The following DNAJC13 variants were observed in gnomAD, a reference collection of about 807,000 sequenced individuals.
DNAJC13 encodes DnaJ heat shock protein family (Hsp40) member C13.
A neutral mutation model predicts 290.5 loss-of-function variants in DNAJC13; 75 were observed. The observed-to-expected ratio is 0.26, with a 90% CI of 0.21 to 0.31. The LOEUF is 0.31. Among genes scored for constraint, DNAJC13 ranks in the 10% least tolerant of loss-of-function variants. DNAJC13 has a pLI of 1.00. For missense variants in DNAJC13, 2,260 were observed against 2,674.5 expected, an observed-to-expected ratio of 0.85 and a Z score of 3.42; for synonymous variants, 862 against 892.0, an observed-to-expected ratio of 0.97 and a Z score of 0.60.
At chr3:132,531,160 G>T in intron 55 of DNAJC13, 63 bp downstream of exon 55, 2 of 1,400,116 alleles carry the variant, frequency 1.4e-6, no homozygotes, top group South Asian at 1.2e-5. Context: ...CCTTCCTTTT[G>T]CCCTAAATAG....
In DNAJC13 at chr3:132,499,759, G is replaced by C; in HGVS notation, c.4367G>C (p.Cys1456Ser). The stretch of plus-strand genomic sequence containing the variant: ...GTGTTACAAGAGGCATTTAGTCGCT[G>C]TGTGGCTGTCTTGACTCGTGCTAGT... ...LEVLQEAFSR[C>S]VAVLTRASKP... The change falls in exon 38 of 56, where the codon TGT becomes TCT. Residue 1456 changes from cysteine (C) to serine (S), a missense_variant. Physicochemically the swap from Cys to Ser is moderately radical, Grantham distance 112. Coordinates refer to ENST00000260818, the MANE Select transcript of DNAJC13 (RefSeq NM_015268.4). 1 of 1,614,178 alleles carries C rather than the reference G, an allele frequency of 6.2e-7. No individual in the cohort carries two copies. The highest frequency in any genetic ancestry group is 1.3e-5 in the African/African-American group (1 of 75,040).
intron 46 of DNAJC13, among the ~76,000 whole-genome samples, chr3:132,516,187 C>T (rs1935915199): frequency 1.3e-5 from 2 of 152,144 alleles, no homozygotes; most frequent in African/African-American, 4.8e-5. Flanking sequence ...GGCAGACCTG[C>T]ATACAAAACT....
intron 39 of DNAJC13, among the ~76,000 whole-genome samples, chr3:132,501,802 G>A (rs891541972): frequency 1.3e-5 from 2 of 152,156 alleles, no homozygotes; most frequent in Non-Finnish European, 2.9e-5. Flanking sequence ...GGATCGAGAT[G>A]CTGATCTAGT....
chr3:132,507,456 C>CAGTAAAGAAAGTGCAA, intron 43 of DNAJC13, 103 bp downstream of exon 43: 1 of 710,804 alleles, frequency 1.4e-6, no homozygotes, highest in Non-Finnish European at 2.4e-6. Context: ...TTTTATTGCA[C>CAGTAAAGAAAGTGCAA]TTTCTTTACT....
At chr3:132,443,339 G>C (rs558379571) in intron 2 of DNAJC13, among the ~76,000 whole-genome samples, 1 of 152,136 alleles carries the variant, frequency 6.6e-6, no homozygotes, top group South Asian at 2.1e-4. Flanking sequence ...TTTTAGTAGA[G>C]ATGGGTTTTT....
At chr3:132,483,118 G>A (rs368556079) in intron 27 of DNAJC13, among the ~76,000 whole-genome samples, 3 of 151,986 alleles carry the variant, frequency 2.0e-5, no homozygotes, top group Admixed American at 2.0e-4. Context: ...TGATTATTTA[G>A]CACCCCACCT....
chr3:132,448,066 G>A, intron 5 of DNAJC13, 127 bp downstream of exon 5: 1 of 614,140 alleles, frequency 1.6e-6, no homozygotes, highest in South Asian at 2.2e-5. Context: ...AAATTGTAAT[G>A]TCTCCTGATA....
chr3:132,512,977 G>A, intron 44 of DNAJC13, 31 bp from the exon 45 acceptor site: 1 of 1,563,332 alleles, frequency 6.4e-7, no homozygotes, highest in Non-Finnish European at 8.8e-7. Flanking sequence ...AACATCTCCT[G>A]GAAGTAAACC....
intron 20 of DNAJC13, among the ~76,000 whole-genome samples, chr3:132,469,730 G>C (rs918708841): frequency 6.6e-6 from 1 of 151,902 alleles, no homozygotes; most frequent in Non-Finnish European, 1.5e-5. Flanking sequence ...AAATTTGTAG[G>C]AAACATTTTC....
intron 36 of DNAJC13, among the ~76,000 whole-genome samples, chr3:132,497,738 TA>T (rs1393281867): frequency 1.3e-5 from 2 of 152,232 alleles, no homozygotes; most frequent in Non-Finnish European, 2.9e-5. Flanking sequence ...GTTTCTCTGT[TA>T]TCAAGGTCAT....
At chr3:132,477,352 A>G (rs1934507108) in intron 22 of DNAJC13, among the ~76,000 whole-genome samples, 1 of 152,206 alleles carries the variant, frequency 6.6e-6, no homozygotes, top group African/African-American at 2.4e-5. Context: ...GTGATTTGAC[A>G]TAGAAGGAAT....
intron 1 of DNAJC13, among the ~76,000 whole-genome samples, chr3:132,424,773 TAA>T (rs1424876417): frequency 6.6e-6 from 1 of 152,128 alleles, no homozygotes; most frequent in Admixed American, 6.5e-5. Flanking sequence ...TAAGGAAGGC[TAA>T]GATGGTAGGT....
intron 36 of DNAJC13, among the ~76,000 whole-genome samples, chr3:132,497,382 A>G (rs779941479): frequency 1.3e-5 from 2 of 152,168 alleles, no homozygotes; most frequent in African/African-American, 2.4e-5. Context: ...GACTTACAGC[A>G]CAAAGTGGGA....
intron 1 of DNAJC13, among the ~76,000 whole-genome samples, chr3:132,426,679 C>T (rs1267391462): frequency 6.6e-6 from 1 of 152,028 alleles, no homozygotes; most frequent in Non-Finnish European, 1.5e-5. Context: ...TAGTGGAAAT[C>T]AATGGTTGCT....
Position 132,456,815 on chromosome 3 carries a change from T to A in DNAJC13, c.1332T>A (p.Ala444=). ...RLVASKAGFL[A]FTQLPKFRER... is the part of the protein sequence containing the mutation. ...TGGCATCCAAAGCTGGTTTCCTGGC[T>A]TTCACTCAGCTTCCAAAGTAAGTTG... The change falls in exon 12 of 56, where the codon GCT becomes GCA. Residue 444 remains alanine (A), a synonymous_variant. Transcript: ENST00000260818. 1.9e-6 allele frequency: 3 copies of A among 1,612,400 alleles called. No individual in the cohort carries two copies. Among genetic ancestry groups the A allele is most frequent in the Non-Finnish European group, 2.5e-6 (3 of 1,179,392 alleles).
chr3:132,489,041 T>C lies in DNAJC13; in HGVS notation c.3468+20T>C, dbSNP rs1254896307. 1 of 1,603,512 alleles carries C rather than the reference T, an allele frequency of 6.2e-7. No homozygotes were observed. Among genetic ancestry groups the C allele is most frequent in the African/African-American group, 1.3e-5 (1 of 74,776 alleles). ...GAAGAGGTAAGCCAGGTTAATCCTC[T>C]GAATACTTAACCCTGGGTAAGCTGT... is the stretch of plus-strand genomic sequence containing the variant. On this transcript the variant is annotated intron_variant, in intron 31 of 55. Transcript: ENST00000260818.
intron 32 of DNAJC13, among the ~76,000 whole-genome samples, chr3:132,491,696 CT>C (rs1935062306): frequency 6.6e-6 from 1 of 152,086 alleles, no homozygotes; most frequent in African/African-American, 2.4e-5. Context: ...AAGGCTATCT[CT>C]TTTTGGAGAA....
rs748294032 is a variant in DNAJC13, at chr3:132,516,714, C to G, written c.5571C>G (p.Ile1857Met). The change falls in exon 48 of 56, where the codon ATC becomes ATG. Residue 1857 changes from isoleucine (I) to methionine (M), a missense_variant. Ile to Met is a conservative substitution (Grantham distance 10). This residue lies in a region of DNAJC13 where 1,494 missense variants were observed against 1,693.7 expected (regional missense o/e 0.88). Transcript: ENST00000260818. ...CTTTTTCCTTCATAGGTGCTTTGAT[C>G]TATTTACTGGATATGTTCTGCAATT... ...IKEAMAKGAL[I>M]YLLDMFCNST... 3.1e-6 allele frequency: 5 copies of G among 1,611,220 alleles called. No individual in the cohort carries two copies. The highest frequency in any genetic ancestry group is 4.2e-6 in the Non-Finnish European group (5 of 1,179,158).
At chr3:132,534,963 T>G (rs191211637) in intron 55 of DNAJC13, among the ~76,000 whole-genome samples, 2 of 152,316 alleles carry the variant, frequency 1.3e-5, no homozygotes, top group African/African-American at 4.8e-5. Context: ...GAATTTATAG[T>G]GTTGTGTTGA....
Sources: allele counts gnomAD v4.1 joint callset (sites outside exome capture counted in the v4.1 genomes callset), GRCh38; gene constraint gnomAD v4.1.1; regional missense constraint gnomAD v4.1.1; transcripts MANE v1.5; gene names NCBI Gene and HGNC (gene_info 2026-07-23, HGNC 2026-07-21).